The following TXNDC12 variants were observed in gnomAD, a reference collection of about 807,000 sequenced individuals.
The protein encoded by TXNDC12 is thioredoxin domain-containing protein 12.
A neutral mutation model predicts 24.2 loss-of-function variants in TXNDC12; 22 were observed. That is an observed-to-expected ratio of 0.91 (90% CI 0.65 to 1.30). The LOEUF (loss-of-function observed/expected upper bound fraction) is 1.30, where lower values mean the gene tolerates loss of function less well. Ranked by LOEUF, TXNDC12 falls within the 50% of genes most tolerant of loss-of-function variation. TXNDC12 has a pLI of 0.00. For missense variants in TXNDC12, 184 were observed against 205.8 expected, an observed-to-expected ratio of 0.89 and a Z score of 0.65; for synonymous variants, 58 against 73.4, an observed-to-expected ratio of 0.79 and a Z score of 1.07.
At chr1:52,027,428 T>A in intron 3 of TXNDC12, 80 bp from the exon 4 acceptor site, 1 of 1,092,248 alleles carries the variant, frequency 9.2e-7, no homozygotes, top group Non-Finnish European at 1.4e-6. Flanking sequence ...GCATCACTAT[T>A]TCTCTTTGGT....
At chr1:52,025,181 T>C (rs894266539) in intron 4 of TXNDC12, among the ~76,000 whole-genome samples, 15 of 152,168 alleles carry the variant, frequency 9.9e-5, no homozygotes, top group African/African-American at 3.6e-4. Context: ...TGTGGACTCA[T>C]AGTCCTCCCA....
intron 2 of TXNDC12, chr1:52,033,830 G>A: frequency 6.8e-7 from 1 of 1,471,988 alleles, no homozygotes; most frequent in South Asian, 1.4e-5. Flanking sequence ...TCCGACGTAA[G>A]CCGGAAGTGC....
At chr1:52,033,795 C>A in intron 2 of TXNDC12, 1 of 1,530,728 alleles carries the variant, frequency 6.5e-7, no homozygotes, top group South Asian at 1.3e-5. Context: ...AACCGCGCTG[C>A]GCCAACTTCC....
chr1:52,034,115 A>C, intron 2 of TXNDC12: 1 of 1,189,436 alleles, frequency 8.4e-7, no homozygotes, highest in Non-Finnish European at 1.1e-6. Context: ...GCAATTAATA[A>C]ATGCTGGTTC....
intron 1 of TXNDC12, among the ~76,000 whole-genome samples, chr1:52,043,030 T>A (rs1686024276): frequency 6.6e-6 from 1 of 152,246 alleles, no homozygotes; most frequent in African/African-American, 2.4e-5. Flanking sequence ...TCCAAAGTGC[T>A]GGGATTACAG....
At chr1:52,041,703 G>T in intron 1 of TXNDC12, 106 bp from the exon 2 acceptor site, 1 of 683,774 alleles carries the variant, frequency 1.5e-6, no homozygotes, top group Non-Finnish European at 2.4e-6. Context: ...GTTTTCTTCT[G>T]TCAAGAGCTT....
At chr1:52,024,660 A>G (rs1288742815) in intron 4 of TXNDC12, 81 bp from the exon 5 acceptor site, 6 of 1,125,632 alleles carry the variant, frequency 5.3e-6, no homozygotes, top group Admixed American at 2.0e-5. Flanking sequence ...CCCACTTGTC[A>G]GGGCAAAACC....
At chr1:52,037,376 C>T (rs1006929489) in intron 2 of TXNDC12, among the ~76,000 whole-genome samples, 3 of 152,168 alleles carry the variant, frequency 2.0e-5, no homozygotes, top group East Asian at 1.9e-4. Flanking sequence ...CCACGCCCGG[C>T]GAATTTTGTA....
intron 6 of TXNDC12, chr1:52,023,278 T>C: frequency 2.2e-6 from 1 of 445,340 alleles, no homozygotes; most frequent in South Asian, 3.0e-5. Flanking sequence ...GCCTCAGTTC[T>C]TCACAGCTGC....
rs1685586834 is a variant in TXNDC12 at position 52,020,942 on chromosome 1, A to C, written c.510T>G (p.Asp170Glu). The change falls in exon 7 of 7, where the codon GAT becomes GAG. Residue 170 changes from aspartate to glutamate, a missense_variant. Physicochemically the swap from Asp to Glu is conservative, Grantham distance 45. Coordinates refer to ENST00000371626, the MANE Select transcript of TXNDC12 (RefSeq NM_015913.4). ...AAGGGGCACATTCATGTTACAATTC[A>C]TCTTCAAGATGTTTCTTTCTGAAGG... ...GDAFRKKHLE[D>E]EL The C allele has an allele frequency of 2.5e-6, 4 of 1,613,748 alleles. No homozygotes were observed. The highest frequency in any genetic ancestry group is 3.4e-6 in the Non-Finnish European group (4 of 1,179,638).
chr1:52,033,180 T>C, intron 2 of TXNDC12: 1 of 1,614,192 alleles, frequency 6.2e-7, no homozygotes, highest in Non-Finnish European at 8.5e-7. Context: ...GCTTTGCAGA[T>C]TTCTCTGAAT....
intron 2 of TXNDC12, chr1:52,033,801 C>T (rs774784601): frequency 6.6e-7 from 1 of 1,521,346 alleles, no homozygotes; most frequent in Non-Finnish European, 8.8e-7. Context: ...GCTGCGCCAA[C>T]TTCCGGGTTG....
chr1:52,044,948 C>G (rs12737435), intron 1 of TXNDC12, among the ~76,000 whole-genome samples: 5 of 151,038 alleles, frequency 3.3e-5, no homozygotes, highest in Non-Finnish European at 7.4e-5. Flanking sequence ...ACACTCCAGC[C>G]TGGGTGACAG....
chr1:52,036,305 A>G (rs1685882133), intron 2 of TXNDC12, among the ~76,000 whole-genome samples: 1 of 152,214 alleles, frequency 6.6e-6, no homozygotes, highest in Non-Finnish European at 1.5e-5. Flanking sequence ...AAATGTTATT[A>G]AGAAAATCTT....
intron 4 of TXNDC12, 118 bp from the exon 5 acceptor site, chr1:52,024,697 C>T (rs1365659131): frequency 2.8e-6 from 2 of 722,952 alleles, no homozygotes; most frequent in Admixed American, 2.3e-5. Context: ...GCCTATAAGG[C>T]CCTACATGAT....
intron 1 of TXNDC12, among the ~76,000 whole-genome samples, chr1:52,045,935 G>A (rs1686082081): frequency 6.6e-6 from 1 of 152,126 alleles, no homozygotes; most frequent in African/African-American, 2.4e-5. Flanking sequence ...AGTTTGGGCT[G>A]TGGATGGTGG....
chr1:52,033,160 C>T (rs1364759042), intron 2 of TXNDC12: 1 of 1,614,212 alleles, frequency 6.2e-7, no homozygotes, highest in African/African-American at 1.3e-5. Context: ...GTAAAAGGCA[C>T]CGGACCCATG....
rs74642297 is a variant in TXNDC12, at chr1:52,051,794, G to A, written c.97+3206C>T. ...TCTGTAAACCACCAGGCCATCGTCC[G>A]GAAACATCTGGGAAGAAATCCATCT... On this transcript the variant is annotated intron_variant, in intron 1 of 6. Coordinates refer to ENST00000371626, the MANE Select transcript of TXNDC12 (RefSeq NM_015913.4). The A allele has an allele frequency of 3.6e-3, 609 of 169,362 alleles. 6 individuals are homozygous for A. The highest frequency in any genetic ancestry group is 0.014 in the African/African-American group (578 of 41,620). 10.5% of individuals were successfully genotyped at this position (169,362 alleles called of 1,614,324 possible).
In TXNDC12 at chr1:52,039,045, T is replaced by G. The variant is rs546406303; in HGVS notation, c.158+2492A>C. On this transcript the variant is annotated intron_variant, in intron 2 of 6. Coordinates refer to ENST00000371626, the MANE Select transcript of TXNDC12 (RefSeq NM_015913.4). ...CAATCAGTCCTCCTGCCTCAGACTCTCAAAATGGATTCATCTGGCCAGGCC... is the reference window on the plus strand; with the variant it reads ...CAATCAGTCCTCCTGCCTCAGACTCGCAAAATGGATTCATCTGGCCAGGCC... Among the ~76,000 whole-genome samples the G allele has an allele frequency of 4.5e-4, 52 of 116,434 alleles. No individual in the cohort carries two copies. The South Asian group carries it at 8.8e-3, about 20-fold the overall frequency. 76.4% of individuals were successfully genotyped at this position (116,434 alleles called of 152,430 possible).
Sources: allele counts gnomAD v4.1 joint callset (sites outside exome capture counted in the v4.1 genomes callset), GRCh38; gene constraint gnomAD v4.1.1; transcripts MANE v1.5; gene names NCBI Gene and HGNC (gene_info 2026-07-23, HGNC 2026-07-21).